Variants in CHST7 observed in about 807,000 individuals in gnomAD.
CHST7 encodes the protein carbohydrate sulfotransferase 7.
Under a neutral mutation model 9.0 loss-of-function variants are expected in CHST7, and 5 were observed. That is an observed-to-expected ratio of 0.56 (90% confidence interval 0.29 to 1.17). The LOEUF (loss-of-function observed/expected upper bound fraction) is 1.17, where lower values mean the gene tolerates loss of function less well. Ranked by LOEUF, CHST7 falls within the 50% of genes most tolerant of loss-of-function variation. The pLI is 0.08. For synonymous variants in CHST7, 244 were observed against 237.1 expected (o/e 1.03, Z -0.27); for missense variants, 377 against 485.1 (o/e 0.78, Z 2.09).
At chrX:46,581,282 G>T (rs1191472638) in intron 1 of CHST7, among the ~76,000 whole-genome samples, 5 of 104,875 alleles carry the variant, frequency 4.8e-5, no homozygotes, top group Non-Finnish European at 3.9e-5. Context: ...TAAGGGCCAG[G>T]TGCAGTGGCT....
At chrX:46,581,783 C>T (rs1942526982) in intron 1 of CHST7, among the ~76,000 whole-genome samples, 1 of 109,611 alleles carries the variant, frequency 9.1e-6, no homozygotes, top group East Asian at 2.9e-4. Context: ...TTAGTAGAGA[C>T]AGGGTTTCTC....
Position 46,590,863 on chromosome X carries a change from T to C in CHST7, c.*32-6897T>C, listed in dbSNP as rs1156250952. 7.1e-5 allele frequency among the ~76,000 whole-genome samples: 8 copies of C among 112,103 alleles called. No homozygotes were observed. The East Asian group carries it at 2.2e-3, about 31-fold the overall frequency. ...CATACCCTACCCTATCCCACCCCTTTCACTGGCAAACACTAATCTGTTCTC... is the reference window on the plus strand; with the variant it reads ...CATACCCTACCCTATCCCACCCCTTCCACTGGCAAACACTAATCTGTTCTC... On this transcript the variant is annotated intron_variant, in intron 1 of 1. Coordinates refer to ENST00000276055, the MANE Select transcript of CHST7 (RefSeq NM_019886.4).
intron 1 of CHST7, among the ~76,000 whole-genome samples, chrX:46,588,849 G>T (rs772397001): frequency 1.9e-4 from 21 of 110,586 alleles, no homozygotes; most frequent in Non-Finnish European, 4.0e-4. Context: ...CAAAACAACG[G>T]TATATAAAAA....
chrX:46,576,192 C>T (rs1942498738), intron 1 of CHST7, among the ~76,000 whole-genome samples: 1 of 105,296 alleles, frequency 9.5e-6, no homozygotes, highest in Non-Finnish European at 2.0e-5. Context: ...CTTCCTCCCC[C>T]TTCCCCTCCT....
chrX:46,589,864 T>C (rs1258433291), intron 1 of CHST7, among the ~76,000 whole-genome samples: 1 of 111,062 alleles, frequency 9.0e-6, no homozygotes, highest in East Asian at 2.8e-4. Context: ...CCTTGTGAGG[T>C]TGCCCTGCCT....
chrX:46,586,857 T>C (rs1235858267), intron 1 of CHST7, among the ~76,000 whole-genome samples: 3 of 110,001 alleles, frequency 2.7e-5, no homozygotes, highest in Non-Finnish European at 3.8e-5. Context: ...TGCCTCAGCC[T>C]CCTGAGTAGC....
chrX:46,574,607 G>C lies in CHST7; in HGVS notation c.676G>C (p.Glu226Gln), dbSNP rs772559971. 3.3e-5 allele frequency: 40 copies of C among 1,202,903 alleles called. No individual in the cohort carries two copies. The highest frequency in any genetic ancestry group is 3.4e-6 in the Non-Finnish European group (3 of 891,424). The change falls in exon 1 of 2, where the codon GAG becomes CAG. Residue 226 changes from glutamate to glutamine, a missense_variant. This residue lies in a region of CHST7 where 239 missense variants were observed against 325.7 expected (regional missense o/e 0.73). Coordinates refer to ENST00000276055, the MANE Select transcript of CHST7 (RefSeq NM_019886.4). ...EVGLVEDTACERSCPPVAIRA... is the reference protein window; with the variant it reads ...EVGLVEDTACQRSCPPVAIRA... Reference sequence around the variant, plus strand: ...GGGCCTCGTCGAGGACACCGCCTGCGAGCGCAGCTGCCCACCCGTGGCGAT... The same window carrying C: ...GGGCCTCGTCGAGGACACCGCCTGCCAGCGCAGCTGCCCACCCGTGGCGAT...
At chrX:46,575,972 C>T (rs561617730) in intron 1 of CHST7, among the ~76,000 whole-genome samples, 2 of 111,587 alleles carry the variant, frequency 1.8e-5, no homozygotes, top group South Asian at 3.8e-4. Flanking sequence ...CATGTTTCTT[C>T]TCTGTCTGTT....
chrX:46,591,224 T>C (rs372493003), intron 1 of CHST7, among the ~76,000 whole-genome samples: 9 of 112,142 alleles, frequency 8.0e-5, no homozygotes, highest in African/African-American at 2.9e-4. Context: ...AATTGCTGGA[T>C]CGTGTGGAAG....
At chrX:46,583,247 A>T (rs1388053034) in intron 1 of CHST7, among the ~76,000 whole-genome samples, 3 of 112,030 alleles carry the variant, frequency 2.7e-5, no homozygotes, top group Non-Finnish European at 5.6e-5. Flanking sequence ...GTGGAAATAA[A>T]AGGAACTTGC....
chrX:46,587,820 GGTT>G (rs1942556427), intron 1 of CHST7, among the ~76,000 whole-genome samples: 3 of 112,080 alleles, frequency 2.7e-5, no homozygotes, highest in Non-Finnish European at 3.8e-5. Flanking sequence ...GCTTAACCTG[GGTT>G]AACAGATAAG....
intron 1 of CHST7, among the ~76,000 whole-genome samples, chrX:46,595,293 T>C (rs1202395089): frequency 1.8e-5 from 2 of 112,590 alleles, no homozygotes; most frequent in African/African-American, 3.2e-5. Flanking sequence ...GGTTCTTGGT[T>C]TGACAAGTGC....
chrX:46,583,991 G>A (rs147101581), intron 1 of CHST7, among the ~76,000 whole-genome samples: 501 of 111,947 alleles, frequency 4.5e-3, no homozygotes, highest in Non-Finnish European at 7.4e-3. Flanking sequence ...GTCTTTCTGT[G>A]CCTGGCTTAT....
intron 1 of CHST7, among the ~76,000 whole-genome samples, chrX:46,587,840 T>A (rs754983835): frequency 2.7e-5 from 3 of 111,912 alleles, no homozygotes; most frequent in Non-Finnish European, 3.8e-5. Context: ...TAAGCTTAGA[T>A]ATTAACATCA....
At chrX:46,587,921 G>A (rs1942556903) in intron 1 of CHST7, among the ~76,000 whole-genome samples, 1 of 111,907 alleles carries the variant, frequency 8.9e-6, no homozygotes, top group Non-Finnish European at 1.9e-5. Flanking sequence ...TGCAAAGGAC[G>A]CTCAAGCCCT....
intron 1 of CHST7, among the ~76,000 whole-genome samples, chrX:46,596,207 C>CT (rs1420513709): frequency 9.1e-6 from 1 of 110,310 alleles, no homozygotes; most frequent in Non-Finnish European, 1.9e-5. Context: ...CATGGTGGCT[C>CT]TTTATGTAAG....
In CHST7 at chrX:46,575,229, C is replaced by T. The variant is rs1468812092; in HGVS notation, c.1298C>T (p.Ala433Val). ...CGCGACGCCCGGGAGGCGGTGCACG[C>T]CTGGCGCGAGCGCCTGAGCCGAGAG... ...SARDAREAVH[A>V]WRERLSREQV... Residue 433 changes from alanine (A) to valine (V), a missense_variant, in exon 1 of 2, where the codon GCC becomes GTC. Ala to Val is a moderately conservative substitution (Grantham distance 64). Transcript: ENST00000276055. 1.8e-6 allele frequency: 2 copies of T among 1,103,460 alleles called. No homozygotes were observed. The highest frequency in any genetic ancestry group is 3.2e-5 in the Admixed American group (1 of 31,527). 90.9% of individuals were successfully genotyped at this position (1,103,460 alleles called of 1,213,427 possible).
chrX:46,580,288 G>A (rs56049615), intron 1 of CHST7, among the ~76,000 whole-genome samples: 4,144 of 111,110 alleles, frequency 0.037, 202 homozygotes, highest in African/African-American at 0.13. Flanking sequence ...TTGATCTCTT[G>A]ACCTCGTGAT....
chrX:46,574,539 C>G lies in CHST7; in HGVS notation c.608C>G (p.Ser203Trp). ...FRWRTNKVIC[S>W]PPLCPGAPRA... Reference sequence around the variant, plus strand: ...TGGCGGACTAACAAGGTCATCTGCTCGCCGCCACTGTGTCCTGGCGCACCC... The same window carrying G: ...TGGCGGACTAACAAGGTCATCTGCTGGCCGCCACTGTGTCCTGGCGCACCC... Residue 203 changes from serine to tryptophan, a missense_variant, in exon 1 of 2, where the codon TCG becomes TGG. By Grantham distance (177) the Ser-to-Trp change is radical. This residue lies in a region of CHST7 where 239 missense variants were observed against 325.7 expected (regional missense o/e 0.73). Transcript: ENST00000276055. 1 of 1,207,106 alleles carries G rather than the reference C, an allele frequency of 8.3e-7. No individual in the cohort carries two copies. Among genetic ancestry groups the G allele is most frequent in the Non-Finnish European group, 1.1e-6 (1 of 893,143 alleles).
Sources: gnomAD v4.1 joint callset for allele counts (sites outside exome capture counted in the v4.1 genomes callset) on GRCh38, gnomAD v4.1.1 for gene constraint, gnomAD v4.1.1 regional missense constraint, MANE v1.5 for transcripts, NCBI Gene and HGNC (gene_info 2026-07-23, HGNC 2026-07-21) for gene names.